Variants in TMC7 observed in about 807,000 individuals in gnomAD.
The protein encoded by TMC7 is transmembrane channel like 7.
In TMC7, 54 loss-of-function variants were observed where a neutral mutation model predicts 82.9. That is an observed-to-expected ratio of 0.65 (90% CI 0.52 to 0.82). TMC7 has a LOEUF of 0.82. TMC7 is among the 40% of genes least tolerant of loss of function. The pLI, the probability that TMC7 is intolerant of heterozygous loss-of-function variation, is 0.00. For missense variants in TMC7, 820 were observed against 901.2 expected, an observed-to-expected ratio of 0.91 and a Z score of 1.15; for synonymous variants, 350 against 337.9, an observed-to-expected ratio of 1.04 and a Z score of -0.39.
intron 5 of TMC7, 49 bp from the exon 6 acceptor site, chr16:19,030,175 C>A (rs1265877641): frequency 1.3e-6 from 2 of 1,574,518 alleles, no homozygotes; most frequent in Non-Finnish European, 1.7e-6. Context: ...CTTCTGGTTC[C>A]CTGCAGTAAG....
intron 6 of TMC7, among the ~76,000 whole-genome samples, chr16:19,030,828 C>A (rs1332147535): frequency 6.6e-6 from 1 of 152,096 alleles, no homozygotes; most frequent in Non-Finnish European, 1.5e-5. Flanking sequence ...CTACCCTGGC[C>A]TCCCAAAGTT....
Position 19,023,160 on chromosome 16 carries a change from T to A in TMC7, c.676T>A (p.Phe226Ile), listed in dbSNP as rs147994584. 40 of 1,610,184 alleles carry A rather than the reference T, an allele frequency of 2.5e-5. No individual in the cohort carries two copies. The African/African-American group carries it at 4.8e-4, about 19-fold the overall frequency. Residue 226 changes from phenylalanine (F) to isoleucine (I), a missense_variant, in exon 5 of 16, where the codon TTT becomes ATT. Transcript: ENST00000304381. ...YPVSSSGLIYFYSYIIDLLSG... is the reference protein window; with the variant it reads ...YPVSSSGLIYIYSYIIDLLSG... ...AGTAAGCAGTTCTGGACTCATTTAC[T>A]TTTACAGTTATATCATAGACTTGCT...
At chr16:19,013,741 A>G (rs1026462259) in intron 2 of TMC7, among the ~76,000 whole-genome samples, 1 of 151,430 alleles carries the variant, frequency 6.6e-6, no homozygotes, top group Admixed American at 6.6e-5. Context: ...CTCGTCTGGA[A>G]TTCCTAGCCT....
intron 5 of TMC7, among the ~76,000 whole-genome samples, chr16:19,027,274 C>A (rs1326469697): frequency 6.6e-6 from 1 of 151,624 alleles, no homozygotes; most frequent in African/African-American, 2.4e-5. Context: ...ATCATGTTGG[C>A]CAGGCTGGTC....
At chr16:19,052,930 C>A (rs1301737586) in intron 13 of TMC7, among the ~76,000 whole-genome samples, 6 of 152,138 alleles carry the variant, frequency 3.9e-5, no homozygotes, top group African/African-American at 1.2e-4. Context: ...CCAGGCTGGT[C>A]TCGAACTCCT....
chr16:19,005,486 A>G (rs894359554), intron 1 of TMC7, among the ~76,000 whole-genome samples: 4 of 152,170 alleles, frequency 2.6e-5, no homozygotes, highest in African/African-American at 9.7e-5. Context: ...CTTCCTCACC[A>G]TCATGCTGAT....
At chr16:19,055,335 C>T (rs768007102) in intron 13 of TMC7, among the ~76,000 whole-genome samples, 7 of 152,008 alleles carry the variant, frequency 4.6e-5, no homozygotes, top group Non-Finnish European at 1.0e-4. Flanking sequence ...TAAATTTCTC[C>T]AATTGTCCCC....
chr16:19,025,964 CAG>C (rs943596953), intron 5 of TMC7, among the ~76,000 whole-genome samples: 1 of 151,992 alleles, frequency 6.6e-6, no homozygotes, highest in African/African-American at 2.4e-5. Context: ...TTTGTAGAGA[CAG>C]AGTTTTGCCA....
chr16:18,984,954 G>C (rs1321301489), intron 1 of TMC7, among the ~76,000 whole-genome samples: 1 of 152,194 alleles, frequency 6.6e-6, no homozygotes, highest in East Asian at 1.9e-4. Flanking sequence ...TTTTAGAATA[G>C]AGATTTACTG....
Position 19,045,368 on chromosome 16 carries a change from A to G in TMC7, c.1483A>G (p.Met495Val). Residue 495 changes from methionine to valine, a missense_variant, in exon 11 of 16, where the codon ATG becomes GTG. Physicochemically the swap from Met to Val is conservative, Grantham distance 21. Around this residue, in one of 2 missense-constraint regions of TMC7, gnomAD observed 650 missense variants for 669.9 expected, o/e 0.97. Transcript: ENST00000304381. The stretch of plus-strand genomic sequence containing the variant: ...CTGGGAGACCCAAGTTGGGCAGGAA[A>G]TGTACAAGCTGATGATCTTCGACTT... ...PCWETQVGQE[M>V]YKLMIFDFII... The G allele has an allele frequency of 1.2e-6, 2 of 1,614,040 alleles. No individual in the cohort carries two copies. Among genetic ancestry groups the G allele is most frequent in the Admixed American group, 1.7e-5 (1 of 59,974 alleles).
At chr16:18,999,526 G>A (rs1466263382) in intron 1 of TMC7, among the ~76,000 whole-genome samples, 1 of 152,208 alleles carries the variant, frequency 6.6e-6, no homozygotes, top group Non-Finnish European at 1.5e-5. Flanking sequence ...GTAAAAGCAG[G>A]GAAATGGTGT....
chr16:19,049,704 C>T (rs1961438288), intron 12 of TMC7: 1 of 976,582 alleles, frequency 1.0e-6, no homozygotes. Flanking sequence ...GGCCTCACTT[C>T]CGTCACTCAC....
At chr16:19,058,842 T>TAC (rs1456073632) in intron 14 of TMC7, among the ~76,000 whole-genome samples, 1 of 152,090 alleles carries the variant, frequency 6.6e-6, no homozygotes, top group African/African-American at 2.4e-5. Context: ...AGCTGGGGAC[T>TAC]ACAGGCTCAC....
At chr16:19,016,362 T>C in intron 2 of TMC7, 88 bp from the exon 3 acceptor site, 2 of 1,538,766 alleles carry the variant, frequency 1.3e-6, no homozygotes, top group Non-Finnish European at 1.8e-6. Flanking sequence ...AGTGCTGGGA[T>C]TACAGGCGTG....
chr16:19,041,011 C>T (rs1960988229), intron 9 of TMC7, among the ~76,000 whole-genome samples: 1 of 151,800 alleles, frequency 6.6e-6, no homozygotes, highest in Non-Finnish European at 1.5e-5. Flanking sequence ...CCACCTCAGC[C>T]TCCCACATAG....
At chr16:18,988,049 G>T (rs910860327) in intron 1 of TMC7, among the ~76,000 whole-genome samples, 6 of 152,050 alleles carry the variant, frequency 3.9e-5, no homozygotes, top group Non-Finnish European at 8.8e-5. Context: ...TCCTTCTGCA[G>T]TCTCAAACTC....
At chr16:19,017,336 TTAA>T (rs2142197974) in intron 3 of TMC7, among the ~76,000 whole-genome samples, 1 of 149,504 alleles carries the variant, frequency 6.7e-6, no homozygotes, top group East Asian at 1.9e-4. Flanking sequence ...ATTAAATTAT[TTAA>T]TAATTTAATT....
intron 1 of TMC7, among the ~76,000 whole-genome samples, chr16:18,999,364 A>G (rs2142142362): frequency 6.6e-6 from 1 of 152,364 alleles, no homozygotes; most frequent in Non-Finnish European, 1.5e-5. Context: ...CAGTGCAGAT[A>G]TAGAACATGC....
chr16:19,028,169 C>T (rs965524221), intron 5 of TMC7, among the ~76,000 whole-genome samples: 2 of 152,096 alleles, frequency 1.3e-5, no homozygotes, highest in African/African-American at 4.8e-5. Context: ...TATATCTGTT[C>T]TCTTCTTCAC....
Sources: allele counts gnomAD v4.1 joint callset (sites outside exome capture counted in the v4.1 genomes callset), GRCh38; gene constraint gnomAD v4.1.1; regional missense constraint gnomAD v4.1.1; transcripts MANE v1.5; gene names NCBI Gene and HGNC (gene_info 2026-07-23, HGNC 2026-07-21).